The following KAT6B variants were observed in gnomAD, a reference collection of about 807,000 sequenced individuals.
KAT6B encodes lysine acetyltransferase 6B, also known as histone acetyltransferase KAT6B.
A neutral mutation model predicts 187.5 loss-of-function variants in KAT6B; 10 were observed. The observed-to-expected ratio is 0.05, with a 90% CI of 0.03 to 0.09. The LOEUF is 0.09. KAT6B is among the 10% of genes least tolerant of loss of function. The pLI is 1.00. For synonymous variants in KAT6B, 861 were observed against 926.8 expected (o/e 0.93, Z 1.29); for missense variants, 1,952 against 2,558.9 (o/e 0.76, Z 5.12).
chr10:74,950,910 C>A (rs970046550), intron 3 of KAT6B, among the ~76,000 whole-genome samples: 1 of 151,718 alleles, frequency 6.6e-6, no homozygotes, highest in Non-Finnish European at 1.5e-5. Context: ...CCCAGGCGTT[C>A]GAGATCAGCC....
intron 3 of KAT6B, among the ~76,000 whole-genome samples, chr10:74,856,945 A>G (rs1842863570): frequency 6.6e-6 from 1 of 152,118 alleles, no homozygotes; most frequent in East Asian, 1.9e-4. Context: ...GGGATGTTGT[A>G]TATTTCTTCT....
intron 3 of KAT6B, among the ~76,000 whole-genome samples, chr10:74,894,418 T>TA (rs1247873280): frequency 2.6e-5 from 4 of 152,182 alleles, no homozygotes; most frequent in Admixed American, 2.6e-4. Flanking sequence ...GATTATGGTT[T>TA]AAAAAAACCA....
intron 3 of KAT6B, among the ~76,000 whole-genome samples, chr10:74,895,181 A>G (rs966842833): frequency 2.3e-4 from 35 of 151,410 alleles, no homozygotes; most frequent in South Asian, 1.2e-3. Context: ...GCCCATTTGT[A>G]TATCTTCTTT....
intron 3 of KAT6B, among the ~76,000 whole-genome samples, chr10:74,868,997 A>G (rs1242740284): frequency 6.6e-6 from 1 of 152,210 alleles, no homozygotes; most frequent in Non-Finnish European, 1.5e-5. Flanking sequence ...CCACAGTTTT[A>G]CAATGAAGCT....
chr10:74,845,394 C>T (rs1448972829), intron 3 of KAT6B, among the ~76,000 whole-genome samples: 1 of 151,176 alleles, frequency 6.6e-6, no homozygotes, highest in Non-Finnish European at 1.5e-5. Context: ...TGGTGGGGGG[C>T]ACCTGTAGTC....
chr10:74,830,774 T>G (rs1240754970), intron 1 of KAT6B, among the ~76,000 whole-genome samples: 1 of 30,922 alleles, frequency 3.2e-5, no homozygotes, highest in Non-Finnish European at 5.8e-5. Context: ...ATATATTTTT[T>G]TTTTTTTTTT....
At chr10:75,004,198 C>G (rs547424876) in intron 13 of KAT6B, among the ~76,000 whole-genome samples, 1 of 152,174 alleles carries the variant, frequency 6.6e-6, no homozygotes, top group South Asian at 2.1e-4. Context: ...TTCAGCAGAA[C>G]TGGAACAAAA....
intron 7 of KAT6B, 138 bp downstream of exon 7, chr10:74,972,777 G>A: frequency 1.2e-6 from 1 of 840,762 alleles, no homozygotes; most frequent in Non-Finnish European, 1.9e-6. Flanking sequence ...TTTTCCTTTT[G>A]CATAAGCTGT....
intron 1 of KAT6B, among the ~76,000 whole-genome samples, chr10:74,837,137 A>G (rs962316261): frequency 1.3e-4 from 20 of 152,206 alleles, no homozygotes; most frequent in African/African-American, 3.1e-4. Context: ...GCTGACATGA[A>G]TATTTCTGAA....
intron 9 of KAT6B, among the ~76,000 whole-genome samples, chr10:74,977,948 T>C (rs956460003): frequency 2.6e-5 from 4 of 152,252 alleles, no homozygotes; most frequent in Non-Finnish European, 4.4e-5. Flanking sequence ...CTTTAAGTGA[T>C]TCCACTTTAA....
At chr10:74,935,794 C>G (rs1383230383) in intron 3 of KAT6B, among the ~76,000 whole-genome samples, 1 of 152,170 alleles carries the variant, frequency 6.6e-6, no homozygotes, top group Admixed American at 6.5e-5. Flanking sequence ...TGGACACTTG[C>G]ATGCTTTTGA....
At position 74,830,723 on chromosome 10, in the gene KAT6B, C is replaced by T. The variant is rs1248081161; in HGVS notation, c.-329+3938C>T. Among the ~76,000 whole-genome samples the T allele has an allele frequency of 4.3e-5, 4 of 93,462 alleles. No homozygotes were observed. In the Admixed American group the frequency reaches 5.9e-4, roughly 14 times the overall value. 61.3% of individuals were successfully genotyped at this position (93,462 alleles called of 152,430 possible). On this transcript the variant is annotated intron_variant, in intron 1 of 17. Coordinates refer to ENST00000287239, the MANE Select transcript of KAT6B (RefSeq NM_012330.4). ...TTACCTGATTAGTAATCAGATTGCA[C>T]AGCTCTTCATATATATATATATATA...
chr10:74,926,957 A>G (rs950286382), intron 3 of KAT6B, among the ~76,000 whole-genome samples: 8 of 152,222 alleles, frequency 5.3e-5, no homozygotes, highest in African/African-American at 1.9e-4. Context: ...GATCAAATGT[A>G]ATAATGATGT....
chr10:74,900,745 C>T (rs1460620335), intron 3 of KAT6B, among the ~76,000 whole-genome samples: 2 of 152,184 alleles, frequency 1.3e-5, no homozygotes, highest in African/African-American at 2.4e-5. Context: ...GCATAGCAGT[C>T]CCAGCCAATA....
chr10:74,991,766 A>G (rs2133887448), intron 13 of KAT6B, among the ~76,000 whole-genome samples: 1 of 152,374 alleles, frequency 6.6e-6, no homozygotes, highest in South Asian at 2.1e-4. Flanking sequence ...AGAATTTTAT[A>G]GCACTCAAAG....
intron 10 of KAT6B, among the ~76,000 whole-genome samples, chr10:74,979,894 C>T (rs1842400371): frequency 6.6e-6 from 1 of 152,214 alleles, no homozygotes; most frequent in Admixed American, 6.5e-5. Context: ...CCCGGTGACT[C>T]ACTCCTGTAA....
chr10:75,020,791 A>G lies in KAT6B; in HGVS notation c.2839A>G (p.Met947Val), dbSNP rs1845340492. 2 of 1,614,096 alleles carry G rather than the reference A, an allele frequency of 1.2e-6. No individual in the cohort carries two copies. Among genetic ancestry groups the G allele is most frequent in the Non-Finnish European group, 1.7e-6 (2 of 1,180,016 alleles). The change falls in exon 14 of 18, where the codon ATG becomes GTG. Residue 947 changes from methionine to valine, a missense_variant. Met to Val is a conservative substitution (Grantham distance 21, BLOSUM62 1). Transcript: ENST00000287239. ...TGCCACCACTCTGCAGCACCTCCACATGATCGACAAGAGAGATGGCAGGTG... is the reference window on the plus strand; with the variant it reads ...TGCCACCACTCTGCAGCACCTCCACGTGATCGACAAGAGAGATGGCAGGTG... ...DIATTLQHLH[M>V]IDKRDGRFVI...
intron 4 of KAT6B, among the ~76,000 whole-genome samples, chr10:74,966,544 A>G (rs779510783): frequency 2.0e-5 from 3 of 152,240 alleles, no homozygotes; most frequent in Non-Finnish European, 4.4e-5. Flanking sequence ...TTTAAATAGT[A>G]TTCCTTTGGT....
intron 3 of KAT6B, among the ~76,000 whole-genome samples, chr10:74,932,433 C>CT (rs1342383071): frequency 2.0e-5 from 3 of 152,198 alleles, no homozygotes; most frequent in African/African-American, 7.2e-5. Flanking sequence ...CTCAGTGAGT[C>CT]TGATTCCAGA....
Sources: gnomAD v4.1 joint callset for allele counts (sites outside exome capture counted in the v4.1 genomes callset) on GRCh38, gnomAD v4.1.1 for gene constraint, MANE v1.5 for transcripts, NCBI Gene and HGNC (gene_info 2026-07-23, HGNC 2026-07-21) for gene names.